HIVEP2: variants seen among roughly 807,000 people sequenced by gnomAD.
The protein encoded by HIVEP2 is HIVEP zinc finger 2.
In HIVEP2, 14 loss-of-function variants were observed where a neutral mutation model predicts 180.7. That is an observed-to-expected ratio of 0.08 (90% CI 0.05 to 0.12). HIVEP2 has a LOEUF of 0.12. Among genes scored for constraint, HIVEP2 ranks in the 10% least tolerant of loss-of-function variants. The probability of loss-of-function intolerance (pLI) is 1.00; values close to 1 mark genes in which losing one functional copy is unlikely to be tolerated. For missense variants in HIVEP2, 2,579 were observed against 3,008.5 expected, an observed-to-expected ratio of 0.86 and a Z score of 3.34; for synonymous variants, 1,184 against 1,136.4, an observed-to-expected ratio of 1.04 and a Z score of -0.84.
chr6:142,937,440 G>T (rs933724069), intron 1 of HIVEP2, among the ~76,000 whole-genome samples: 1 of 152,050 alleles, frequency 6.6e-6, no homozygotes, highest in Non-Finnish European at 1.5e-5. Context: ...ATTTCCCAAT[G>T]ACTCTTGAAT....
chr6:142,805,760 C>G (rs916873734), intron 2 of HIVEP2, among the ~76,000 whole-genome samples: 2 of 152,098 alleles, frequency 1.3e-5, no homozygotes, highest in South Asian at 2.1e-4. Flanking sequence ...ATAATGCCAC[C>G]TACCAAGGGC....
chr6:142,913,384 A>T (rs755265646), intron 1 of HIVEP2, among the ~76,000 whole-genome samples: 1 of 152,188 alleles, frequency 6.6e-6, no homozygotes, highest in Non-Finnish European at 1.5e-5. Flanking sequence ...GAGGGGGAAA[A>T]CCCATGGATC....
chr6:142,821,331 C>T (rs899297255), intron 2 of HIVEP2, among the ~76,000 whole-genome samples: 4 of 151,866 alleles, frequency 2.6e-5, no homozygotes, highest in Non-Finnish European at 5.9e-5. Context: ...AGTCTAACCC[C>T]GAACCAAAGA....
At chr6:142,792,319 G>A (rs1482076132) in intron 2 of HIVEP2, among the ~76,000 whole-genome samples, 1 of 152,174 alleles carries the variant, frequency 6.6e-6, no homozygotes, top group Non-Finnish European at 1.5e-5. Context: ...TGGAGCAAAG[G>A]AGGAAAAGAT....
At chr6:142,868,274 A>G (rs558559350) in intron 1 of HIVEP2, among the ~76,000 whole-genome samples, 2 of 152,292 alleles carry the variant, frequency 1.3e-5, no homozygotes, top group Admixed American at 1.3e-4. Flanking sequence ...ACAATAACGG[A>G]ACAAATACTT....
At chr6:142,942,543 C>A (rs746804728) in intron 1 of HIVEP2, among the ~76,000 whole-genome samples, 10 of 152,160 alleles carry the variant, frequency 6.6e-5, no homozygotes, top group Non-Finnish European at 1.5e-4. Context: ...GCTGCTTAAT[C>A]TTTCAATGTA....
At position 142,753,384 on chromosome 6, in the gene HIVEP2, T is replaced by C. The variant is rs772261545; in HGVS notation, c.7064A>G (p.Gln2355Arg). ...LLGPDQPARV[Q>R]EPHQNPLGSA... ...TCCCAGGGGGTTCTGGTGGGGCTCC[T>C]GCACCCGCGCTGGCTGATCTGGCCC... is the stretch of plus-strand genomic sequence containing the variant. Residue 2355 changes from glutamine (Q) to arginine (R), a missense_variant, in exon 10 of 10, where the codon CAG (glutamine) becomes CGG (arginine). Coordinates refer to ENST00000367603, the MANE Select transcript of HIVEP2 (RefSeq NM_006734.4). 3 of 1,613,986 alleles carry C rather than the reference T, an allele frequency of 1.9e-6. No individual in the cohort carries two copies. Among genetic ancestry groups the C allele is most frequent in the South Asian group, 1.1e-5 (1 of 91,080 alleles).
chr6:142,918,055 G>A (rs941578982), intron 1 of HIVEP2, among the ~76,000 whole-genome samples: 2 of 152,102 alleles, frequency 1.3e-5, no homozygotes, highest in Non-Finnish European at 2.9e-5. Flanking sequence ...TTATAGACGT[G>A]AGCCATCATG....
intron 1 of HIVEP2, among the ~76,000 whole-genome samples, chr6:142,925,606 T>G (rs1310186185): frequency 5.9e-5 from 9 of 152,228 alleles, no homozygotes. Flanking sequence ...ATTTCCTTAT[T>G]GCATAAGTAA....
At chr6:142,790,930 C>A (rs796821726) in intron 2 of HIVEP2, among the ~76,000 whole-genome samples, 6 of 106,726 alleles carry the variant, frequency 5.6e-5, no homozygotes, top group Middle Eastern at 4.4e-3. Context: ...AAATTGTCTT[C>A]AGTCTCTCGT....
At chr6:142,881,184 T>C (rs1339247132) in intron 1 of HIVEP2, among the ~76,000 whole-genome samples, 1 of 152,178 alleles carries the variant, frequency 6.6e-6, no homozygotes, top group Non-Finnish European at 1.5e-5. Context: ...TCTCCACTCA[T>C]ATAAAACTAA....
chr6:142,927,058 T>G (rs1268448555), intron 1 of HIVEP2, among the ~76,000 whole-genome samples: 3 of 151,326 alleles, frequency 2.0e-5, no homozygotes, highest in Non-Finnish European at 2.9e-5. Flanking sequence ...CCGCTGGCGC[T>G]CCCGGCGCCT....
At chr6:142,945,397 G>C (rs1296279688), upstream of HIVEP2, among the ~76,000 whole-genome samples, 4 of 152,184 alleles carry the variant, frequency 2.6e-5, no homozygotes. This position sits in a 1 kb window ranked among gnomAD's most constrained non-coding sequence, Gnocchi z 5.5. Flanking sequence ...CGGGGAGCGG[G>C]GGACGGAGTT....
chr6:142,777,577 G>A (rs1245849652), intron 3 of HIVEP2, among the ~76,000 whole-genome samples: 1 of 144,210 alleles, frequency 6.9e-6, no homozygotes, highest in Non-Finnish European at 1.5e-5. Flanking sequence ...GGACCCGGGA[G>A]GCAGAGGTTG....
At chr6:142,826,392 G>C (rs1357411624) in intron 2 of HIVEP2, among the ~76,000 whole-genome samples, 1 of 152,080 alleles carries the variant, frequency 6.6e-6, no homozygotes, top group Non-Finnish European at 1.5e-5. Context: ...TCACAATTCC[G>C]ACCATGATCA....
At position 142,752,801 on chromosome 6, in the gene HIVEP2, C is replaced by G; in HGVS notation, c.*306G>C. ...TTATTACAAAGCAGATACACAAATT[C>G]TAAAATATGTACAAATTACTGCTAA... On this transcript the variant is annotated 3_prime_UTR_variant, in exon 10 of 10. Coordinates refer to ENST00000367603, the MANE Select transcript of HIVEP2 (RefSeq NM_006734.4). The G allele has an allele frequency of 7.9e-6, 2 of 254,400 alleles. No homozygotes were observed. The highest frequency in any genetic ancestry group is 1.6e-4 in the South Asian group (2 of 12,440). 15.8% of individuals were successfully genotyped at this position (254,400 alleles called of 1,614,324 possible).
At chr6:142,802,788 A>G (rs1776446120) in intron 2 of HIVEP2, among the ~76,000 whole-genome samples, 1 of 152,192 alleles carries the variant, frequency 6.6e-6, no homozygotes, top group South Asian at 2.1e-4. Context: ...CACAAAGAAA[A>G]GATAAAAATA....
In HIVEP2 at chr6:142,752,959, A is replaced by G; in HGVS notation, c.*148T>C. 3.3e-6 allele frequency: 2 copies of G among 608,960 alleles called. No individual in the cohort carries two copies. The highest frequency in any genetic ancestry group is 4.1e-5 in the South Asian group (2 of 48,630). The allele number at this position is 608,960 out of a possible 1,614,324, so 37.7% of individuals were successfully genotyped here. On this transcript the variant is annotated 3_prime_UTR_variant, in exon 10 of 10. Transcript: ENST00000367603. ...CTCATGATGACTTGTTAATTTACCT[A>G]ATTCTTTTGATATAACAAAAGTATA...
rs753847324 is a variant in HIVEP2 at position 142,771,734 on chromosome 6, T to C, written c.3005A>G (p.Lys1002Arg). Residue 1002 changes from lysine (K) to arginine (R), a missense_variant, in exon 5 of 10, where the codon AAG (lysine) becomes AGG (arginine). By Grantham distance (26) the Lys-to-Arg change is conservative (BLOSUM62 2). Transcript: ENST00000367603. The surrounding 1 kb of genome is among the most constrained non-coding windows in gnomAD (Gnocchi z 5.4). ...SALPKQDEFG[K>R]HSEFLTVPAG... ...AGGGACAGTCAGAAACTCTGAATGCTTCCCAAACTCATCCTGCTTAGGAAG... is the reference window on the plus strand; with the variant it reads ...AGGGACAGTCAGAAACTCTGAATGCCTCCCAAACTCATCCTGCTTAGGAAG... The C allele has an allele frequency of 6.2e-7, 1 of 1,614,224 alleles. No individual in the cohort carries two copies. The highest frequency in any genetic ancestry group is 1.1e-5 in the South Asian group (1 of 91,080).
Sources: allele counts gnomAD v4.1 joint callset (sites outside exome capture counted in the v4.1 genomes callset), GRCh38; gene constraint gnomAD v4.1.1; non-coding constraint Gnocchi (gnomAD v3.1); transcripts MANE v1.5; gene names NCBI Gene and HGNC (gene_info 2026-07-23, HGNC 2026-07-21).